The following ARMC9 variants were observed in gnomAD, a reference collection of about 807,000 sequenced individuals.
The protein encoded by ARMC9 is lisH domain-containing protein ARMC9.
Under a neutral mutation model 107.0 loss-of-function variants are expected in ARMC9, and 94 were observed. The ratio of observed to expected loss-of-function variants is 0.88; its 90% CI spans 0.74 to 1.04. ARMC9 has a LOEUF of 1.04. Ranked by LOEUF, ARMC9 falls within the 50% of genes least tolerant of loss-of-function variation. ARMC9 has a pLI of 0.00. For synonymous variants in ARMC9, 380 were observed against 396.9 expected (o/e 0.96, Z 0.51); for missense variants, 942 against 1,030.1 (o/e 0.91, Z 1.17).
At chr2:231,344,119 C>G (rs1249488394) in intron 20 of ARMC9, among the ~76,000 whole-genome samples, 1 of 152,068 alleles carries the variant, frequency 6.6e-6, no homozygotes, top group African/African-American at 2.4e-5. Flanking sequence ...AATGAACAAC[C>G]TTGTTTATCT....
At chr2:231,285,397 G>C (rs1380314072) in intron 17 of ARMC9, among the ~76,000 whole-genome samples, 1 of 151,836 alleles carries the variant, frequency 6.6e-6, no homozygotes, top group Non-Finnish European at 1.5e-5. Flanking sequence ...TGTAATCCTA[G>C]CACTTTGGGA....
At chr2:231,268,892 C>CT (rs1310819671) in intron 12 of ARMC9, among the ~76,000 whole-genome samples, 1 of 151,412 alleles carries the variant, frequency 6.6e-6, no homozygotes, top group African/African-American at 2.4e-5. Flanking sequence ...ACCCCATTCT[C>CT]TAAGAAAAAA....
intron 17 of ARMC9, among the ~76,000 whole-genome samples, chr2:231,288,217 TG>T (rs2040739993): frequency 6.6e-6 from 1 of 152,198 alleles, no homozygotes; most frequent in Non-Finnish European, 1.5e-5. Context: ...AGATTTTTAT[TG>T]AACATGAAAA....
intron 22 of ARMC9, among the ~76,000 whole-genome samples, chr2:231,356,511 G>C (rs562935655): frequency 3.5e-4 from 53 of 152,310 alleles, no homozygotes; most frequent in Middle Eastern, 3.4e-3. Context: ...ATTATGAGCA[G>C]TTCAGATAAG....
rs754818794 is a variant in ARMC9 at position 231,206,231 on chromosome 2, A to T, written c.-8A>T. 8 of 1,612,758 alleles carry T rather than the reference A, an allele frequency of 5.0e-6. No homozygotes were observed. The highest frequency in any genetic ancestry group is 1.7e-5 in the Admixed American group (1 of 59,932). ...GCTGTGAGAATTAATTACCAGTAAC[A>T]GTTCAATATGGGGGACATTCTGGCT... On this transcript the variant is annotated 5_prime_UTR_variant, in exon 2 of 25. Transcript: ENST00000611582.
At chr2:231,355,160 G>A (rs2045285354) in intron 21 of ARMC9, among the ~76,000 whole-genome samples, 2 of 152,174 alleles carry the variant, frequency 1.3e-5, no homozygotes, top group South Asian at 4.1e-4. Context: ...GCAACATGGA[G>A]AGACCTTGTC....
chr2:231,270,000 C>A (rs576452029), intron 12 of ARMC9, among the ~76,000 whole-genome samples: 27 of 151,330 alleles, frequency 1.8e-4, no homozygotes, highest in Non-Finnish European at 2.9e-4. Context: ...GATGGTGGGG[C>A]CTGTCGATGG....
chr2:231,307,747 G>C (rs1370184708), intron 19 of ARMC9, among the ~76,000 whole-genome samples: 1 of 152,226 alleles, frequency 6.6e-6, no homozygotes, highest in Admixed American at 6.5e-5. Flanking sequence ...AGCAGGGACA[G>C]TTGACTGCCA....
chr2:231,245,084 A>G (rs947045371), intron 9 of ARMC9, among the ~76,000 whole-genome samples: 7 of 152,212 alleles, frequency 4.6e-5, no homozygotes, highest in African/African-American at 1.7e-4. Context: ...AGGCACTCCC[A>G]GAGGGTTTAT....
chr2:231,281,369 G>A (rs543005230), intron 16 of ARMC9, among the ~76,000 whole-genome samples: 1 of 152,094 alleles, frequency 6.6e-6, no homozygotes, highest in Non-Finnish European at 1.5e-5. Flanking sequence ...CCTGGTGGGG[G>A]GCATCCCTTA....
intron 23 of ARMC9, 138 bp downstream of exon 23, chr2:231,361,021 G>A: frequency 7.4e-7 from 1 of 1,342,288 alleles, no homozygotes; most frequent in Non-Finnish European, 9.8e-7. Flanking sequence ...CTAAGGAGCA[G>A]TGTCAAGATT....
chr2:231,318,689 T>G (rs1351800302), intron 19 of ARMC9, among the ~76,000 whole-genome samples: 1 of 152,224 alleles, frequency 6.6e-6, no homozygotes, highest in Non-Finnish European at 1.5e-5. Flanking sequence ...GAGCAAGTAC[T>G]GCTTAAGTTG....
At chr2:231,202,502 T>C (rs1451161575) in intron 1 of ARMC9, among the ~76,000 whole-genome samples, 1 of 151,164 alleles carries the variant, frequency 6.6e-6, no homozygotes, top group Non-Finnish European at 1.5e-5. Context: ...TTTGTATTTC[T>C]GTAGAGATGA....
At chr2:231,302,171 T>C (rs2041774362) in intron 19 of ARMC9, among the ~76,000 whole-genome samples, 1 of 152,002 alleles carries the variant, frequency 6.6e-6, no homozygotes, top group African/African-American at 2.4e-5. Flanking sequence ...TATATAAGGT[T>C]TGAAGTAACC....
rs1040702055 is a variant in ARMC9 at position 231,362,735 on chromosome 2, G to C, written c.2261+1852G>C. ...GAATATTTCGGCATTCTAGATGAGA[G>C]ATATATATATACCTCATATGTATAT... On this transcript the variant is annotated intron_variant, in intron 23 of 24. Transcript: ENST00000611582. This position sits in a 1 kb window ranked among gnomAD's most constrained non-coding sequence, Gnocchi z 4.7. The C allele has an allele frequency of 6.5e-6, 1 of 152,774 alleles. No individual in the cohort carries two copies. The highest frequency in any genetic ancestry group is 1.5e-5 in the Non-Finnish European group (1 of 67,908). 9.5% of individuals were successfully genotyped at this position (152,774 alleles called of 1,614,324 possible).
chr2:231,234,118 T>G (rs1249213739), intron 7 of ARMC9, among the ~76,000 whole-genome samples: 3 of 152,228 alleles, frequency 2.0e-5, no homozygotes, highest in African/African-American at 7.2e-5. Context: ...CAATGAAGAC[T>G]TCAAATATTG....
chr2:231,295,600 C>T (rs1422865194), intron 18 of ARMC9: 1 of 152,318 alleles, frequency 6.6e-6, no homozygotes, highest in South Asian at 2.1e-4. Flanking sequence ...TTCTGTAACT[C>T]CTTTGTGCTA....
intron 16 of ARMC9, among the ~76,000 whole-genome samples, chr2:231,279,944 T>A (rs1239343723): frequency 6.6e-6 from 1 of 152,206 alleles, no homozygotes; most frequent in East Asian, 1.9e-4. Flanking sequence ...CATTTTATAT[T>A]TTAAAGCTAG....
chr2:231,203,229 T>C (rs916647779), intron 1 of ARMC9, among the ~76,000 whole-genome samples: 2 of 152,190 alleles, frequency 1.3e-5, no homozygotes, highest in Non-Finnish European at 2.9e-5. Flanking sequence ...CTCAGACTTA[T>C]AGCCAAAACA....
Sources: allele counts gnomAD v4.1 joint callset (sites outside exome capture counted in the v4.1 genomes callset), GRCh38; gene constraint gnomAD v4.1.1; non-coding constraint Gnocchi (gnomAD v3.1); transcripts MANE v1.5; gene names NCBI Gene and HGNC (gene_info 2026-07-23, HGNC 2026-07-21).